The following ACSM1 variants were observed in gnomAD, a reference collection of about 807,000 sequenced individuals.
The protein encoded by ACSM1 is acyl-coenzyme A synthetase ACSM1, mitochondrial.
ACSM1 carries 79 observed loss-of-function variants against 75.8 expected under a neutral mutation model. That is an observed-to-expected ratio of 1.04 (90% CI 0.87 to 1.26). The LOEUF is 1.26. Ranked by LOEUF, ACSM1 falls within the 50% of genes most tolerant of loss-of-function variation. The pLI, the probability that ACSM1 is intolerant of heterozygous loss-of-function variation, is 0.00. For synonymous variants in ACSM1, 279 were observed against 265.8 expected (o/e 1.05, Z -0.48); for missense variants, 676 against 720.1 (o/e 0.94, Z 0.70).
chr16:20,674,361 G>C (rs990262146), intron 4 of ACSM1: 1 of 217,530 alleles, frequency 4.6e-6, no homozygotes, highest in East Asian at 1.4e-4. Flanking sequence ...TGAAAAGTAA[G>C]AAATGATGTA....
intron 5 of ACSM1, among the ~76,000 whole-genome samples, chr16:20,670,513 T>C (rs1202642020): frequency 1.3e-5 from 2 of 152,196 alleles, no homozygotes; most frequent in Non-Finnish European, 2.9e-5. Flanking sequence ...CTTATCAAAA[T>C]ACAAATTTGA....
chr16:20,634,677 T>A (rs1384439428), intron 10 of ACSM1, among the ~76,000 whole-genome samples: 1 of 152,124 alleles, frequency 6.6e-6, no homozygotes, highest in Non-Finnish European at 1.5e-5. Context: ...AGATTAGAGA[T>A]TATCATGTGC....
chr16:20,645,435 T>C (rs1169997567), intron 7 of ACSM1, among the ~76,000 whole-genome samples: 1 of 152,200 alleles, frequency 6.6e-6, no homozygotes, highest in Non-Finnish European at 1.5e-5. Flanking sequence ...TCAGAGTGTA[T>C]GTACCTTTTT....
At chr16:20,636,530 A>C (rs2017713735) in intron 10 of ACSM1, among the ~76,000 whole-genome samples, 1 of 152,226 alleles carries the variant, frequency 6.6e-6, no homozygotes, top group African/African-American at 2.4e-5. Flanking sequence ...TTCTGAAGCC[A>C]GTCTTCATTC....
At chr16:20,645,439 C>T (rs552555990) in intron 7 of ACSM1, among the ~76,000 whole-genome samples, 2 of 152,142 alleles carry the variant, frequency 1.3e-5, no homozygotes, top group Non-Finnish European at 2.9e-5. Flanking sequence ...AGTGTATGTA[C>T]CTTTTTCCCT....
chr16:20,685,846 A>AAAT lies in ACSM1; in HGVS notation c.193-444_193-443insATT, dbSNP rs1567311128. Among the ~76,000 whole-genome samples the AAAT allele has an allele frequency of 7.8e-5, 8 of 102,794 alleles. No individual in the cohort carries two copies. In the East Asian group the frequency reaches 2.2e-3, roughly 28 times the overall value. The allele number at this position is 102,794 out of a possible 152,430, so 67.4% of individuals were successfully genotyped here. A position where few individuals can be genotyped will look rare whatever the true frequency, so the allele number is the denominator to read the frequency against. On this transcript the variant is annotated intron_variant, in intron 2 of 13. Coordinates refer to ENST00000520010, the MANE Select transcript of ACSM1 (RefSeq NM_001318890.3). The stretch of plus-strand genomic sequence containing the variant: ...AAAAAAAAAAACAAACAAAAAAAAA[A>AAAT]CAAAAAACTTATAGCATCAGGAGAG...
chr16:20,671,475 AC>A, intron 5 of ACSM1, 55 bp downstream of exon 5: 9 of 1,530,874 alleles, frequency 5.9e-6, no homozygotes, highest in Non-Finnish European at 7.1e-6. Flanking sequence ...ACACACACAC[AC>A]ACAAACTTTG....
At chr16:20,671,721 T>G (rs760729482) in intron 4 of ACSM1, 50 bp from the exon 5 acceptor site, 1 of 1,449,410 alleles carries the variant, frequency 6.9e-7, no homozygotes, top group Admixed American at 2.5e-5. Context: ...TGCTGTTTCT[T>G]CATCTTCTGG....
intron 7 of ACSM1, among the ~76,000 whole-genome samples, chr16:20,657,970 G>A (rs1169900128): frequency 1.3e-5 from 2 of 152,066 alleles, no homozygotes; most frequent in African/African-American, 4.8e-5. Context: ...GTATTCCATG[G>A]TGTATATGTG....
chr16:20,689,751 T>C (rs2079618824), intron 2 of ACSM1, among the ~76,000 whole-genome samples: 1 of 151,156 alleles, frequency 6.6e-6, no homozygotes, highest in South Asian at 2.1e-4. Context: ...ACCCATCTTG[T>C]TTCAAAAATT....
intron 10 of ACSM1, among the ~76,000 whole-genome samples, chr16:20,629,990 CAA>C (rs558208317): frequency 2.7e-4 from 22 of 80,954 alleles, no homozygotes; most frequent in Non-Finnish European, 2.8e-4. Flanking sequence ...GACTCCAACT[CAA>C]AAAAAAAAAA....
chr16:20,669,366 C>T (rs1189638201), intron 6 of ACSM1, among the ~76,000 whole-genome samples: 1 of 151,564 alleles, frequency 6.6e-6, no homozygotes, highest in South Asian at 2.1e-4. Flanking sequence ...TAGTTAATTT[C>T]AAAGGTGGGA....
Position 20,685,486 on chromosome 16 carries a change from G to A in ACSM1, c.193-83C>T, listed in dbSNP as rs926439664. 89 of 1,265,502 alleles carry A rather than the reference G, an allele frequency of 7.0e-5. No individual in the cohort carries two copies. In the African/African-American group the frequency reaches 9.5e-4, roughly 14 times the overall value. 78.4% of individuals were successfully genotyped at this position (1,265,502 alleles called of 1,614,324 possible). ...TAAACTAATCCACAGCCATAGTCAC[G>A]TTCCAATGTGAACACAGCTTAAGGA... On this transcript the variant is annotated intron_variant, in intron 2 of 13. Coordinates refer to ENST00000520010, the MANE Select transcript of ACSM1 (RefSeq NM_001318890.3).
chr16:20,691,054 T>C lies in ACSM1; in HGVS notation c.135A>G (p.Val45=), dbSNP rs534826372. The change falls in exon 2 of 14, where the codon GTA becomes GTG. Residue 45 remains valine, a synonymous_variant. Coordinates refer to ENST00000520010, the MANE Select transcript of ACSM1 (RefSeq NM_001318890.3). ...FGAPRWNDYE[V]PEEFNFASYV... is the part of the protein sequence containing the mutation. ...AACTTGCAAAGTTAAATTCCTCCGG[T>C]ACTTCATAGTCATTCCATCTTGGGG... 2 of 1,613,900 alleles carry C rather than the reference T, an allele frequency of 1.2e-6. No individual in the cohort carries two copies. Among genetic ancestry groups the C allele is most frequent in the South Asian group, 1.1e-5 (1 of 90,982 alleles).
At chr16:20,624,034 T>G in intron 13 of ACSM1, 62 bp downstream of exon 13, 1 of 1,594,066 alleles carries the variant, frequency 6.3e-7, no homozygotes, top group Non-Finnish European at 8.6e-7. Context: ...CAGTGATACC[T>G]AGCCCGTCCT....
At chr16:20,628,289 G>A (rs953980088) in intron 10 of ACSM1, among the ~76,000 whole-genome samples, 3 of 152,000 alleles carry the variant, frequency 2.0e-5, no homozygotes, top group African/African-American at 7.3e-5. Context: ...GTCTTCAGAT[G>A]TCCCATTTCA....
chr16:20,662,248 G>A (rs1373202075), intron 6 of ACSM1, among the ~76,000 whole-genome samples: 2 of 152,170 alleles, frequency 1.3e-5, no homozygotes, highest in Non-Finnish European at 1.5e-5. Context: ...GGAAGAGGTG[G>A]TATTTAGTCA....
At chr16:20,674,194 G>C (rs986331078) in intron 4 of ACSM1, 5 of 365,452 alleles carry the variant, frequency 1.4e-5, no homozygotes, top group Non-Finnish European at 2.8e-5. Context: ...AAGAGAAAGA[G>C]GTGGAGTCCT....
At chr16:20,682,219 G>A (rs1481901273) in intron 4 of ACSM1, 37 bp downstream of exon 4, 2 of 1,594,590 alleles carry the variant, frequency 1.3e-6, no homozygotes, top group East Asian at 2.2e-5. Flanking sequence ...CACAACAACT[G>A]TACTCAGAGA....
Sources: allele counts gnomAD v4.1 joint callset (sites outside exome capture counted in the v4.1 genomes callset), GRCh38; gene constraint gnomAD v4.1.1; transcripts MANE v1.5; gene names NCBI Gene and HGNC (gene_info 2026-07-23, HGNC 2026-07-21).